Variants in GRID1 observed in about 807,000 individuals in gnomAD.
GRID1 encodes glutamate ionotropic receptor delta type subunit 1.
In GRID1, 28 loss-of-function variants were observed where a neutral mutation model predicts 98.0. The ratio of observed to expected loss-of-function variants is 0.29; its 90% confidence interval spans 0.21 to 0.39. GRID1 has a LOEUF of 0.39. Ranked by LOEUF, GRID1 falls within the 10% of genes least tolerant of loss-of-function variation. The probability of loss-of-function intolerance (pLI) is 1.00; values close to 1 mark genes in which losing one functional copy is unlikely to be tolerated. For missense variants in GRID1, 1,111 were observed against 1,340.5 expected, an observed-to-expected ratio of 0.83 and a Z score of 2.67; for synonymous variants, 553 against 538.5, an observed-to-expected ratio of 1.03 and a Z score of -0.37.
chr10:85,687,295 T>C (rs7081304), intron 12 of GRID1, among the ~76,000 whole-genome samples: 10,270 of 152,240 alleles, frequency 0.067, 452 homozygotes, highest in African/African-American at 0.13. Flanking sequence ...GATGACACTA[T>C]TTTATTCTCT....
intron 2 of GRID1, among the ~76,000 whole-genome samples, chr10:86,327,562 G>A (rs1418290556): frequency 2.0e-5 from 3 of 152,202 alleles, no homozygotes; most frequent in African/African-American, 7.2e-5. Flanking sequence ...TCTTACTGGA[G>A]AAGAATGCCA....
chr10:85,604,245 T>C (rs1842623845), intron 15 of GRID1, among the ~76,000 whole-genome samples: 4 of 152,200 alleles, frequency 2.6e-5, no homozygotes, highest in Non-Finnish European at 2.9e-5. Flanking sequence ...CACACATGGT[T>C]TGGCTTCTGA....
At chr10:86,346,207 G>A (rs113425802) in intron 2 of GRID1, among the ~76,000 whole-genome samples, 218 of 152,366 alleles carry the variant, frequency 1.4e-3, no homozygotes, top group African/African-American at 4.9e-3. Flanking sequence ...CATGGGTTCT[G>A]CCAGCTGGAA....
chr10:85,659,022 T>A (rs73326634), intron 12 of GRID1, among the ~76,000 whole-genome samples: 3,362 of 152,308 alleles, frequency 0.022, 112 homozygotes, highest in African/African-American at 0.076. Context: ...AAGCTATCGA[T>A]GTTCCCTAGA....
At chr10:85,978,287 TA>T (rs1369721470) in intron 4 of GRID1, among the ~76,000 whole-genome samples, 2 of 152,168 alleles carry the variant, frequency 1.3e-5, no homozygotes, top group Admixed American at 1.3e-4. Flanking sequence ...CCAAAGGACC[TA>T]AAGCAGCCAG....
intron 2 of GRID1, among the ~76,000 whole-genome samples, chr10:86,257,806 A>G (rs1846947934): frequency 6.6e-6 from 1 of 152,218 alleles, no homozygotes. Flanking sequence ...TGAAGATGAC[A>G]TGAGCGCCAA....
intron 2 of GRID1, among the ~76,000 whole-genome samples, chr10:86,213,668 A>G (rs1273186723): frequency 2.0e-5 from 3 of 151,886 alleles, no homozygotes; most frequent in Non-Finnish European, 4.4e-5. Flanking sequence ...ACCCCACTGA[A>G]CACTAAGCCC....
chr10:85,727,886 C>A lies in GRID1; in HGVS notation c.1502G>T (p.Trp501Leu). 1 of 1,613,842 alleles carries A rather than the reference C, an allele frequency of 6.2e-7. No individual in the cohort carries two copies. The highest frequency in any genetic ancestry group is 1.1e-5 in the South Asian group (1 of 91,066). The change falls in exon 10 of 16, where the codon TGG becomes TTG. Residue 501 changes from tryptophan (W) to leucine (L), a missense_variant. Physicochemically the swap from Trp to Leu is moderately conservative, Grantham distance 61. This residue lies in a region of GRID1 where 762 missense variants were observed against 869.1 expected (regional missense o/e 0.88). Transcript: ENST00000327946. ...RYGHQLHNTS[W>L]NGMIGELISK... ...GATGAGCTCCCCGATCATCCCGTTC[C>A]AGGAGGTGTTATGGAGCTGGTGACC...
At chr10:85,865,971 A>ATATACATATATATG (rs1564613351) in intron 6 of GRID1, among the ~76,000 whole-genome samples, 18 of 107,690 alleles carry the variant, frequency 1.7e-4, no homozygotes, top group South Asian at 5.5e-4. Context: ...AGAGAGAGAG[A>ATATACATATATATG]GAGAGAGAGA....
intron 13 of GRID1, chr10:85,644,015 T>C (rs1411864742): frequency 6.6e-6 from 1 of 152,178 alleles, no homozygotes; most frequent in Non-Finnish European, 1.5e-5. Context: ...GAGGTGTTTC[T>C]CTAATGACTC....
At chr10:85,919,697 G>A (rs996416734) in intron 4 of GRID1, among the ~76,000 whole-genome samples, 3 of 152,114 alleles carry the variant, frequency 2.0e-5, no homozygotes, top group South Asian at 2.1e-4. Flanking sequence ...CCTCCCTTTC[G>A]TCTGCAGAGT....
intron 2 of GRID1, among the ~76,000 whole-genome samples, chr10:86,258,318 T>A (rs1474575338): frequency 5.9e-5 from 9 of 152,144 alleles, no homozygotes; most frequent in Admixed American, 4.6e-4. Flanking sequence ...AGAATCACTG[T>A]TGGAAGCTGT....
At chr10:85,875,954 C>T (rs1422445288) in intron 5 of GRID1, among the ~76,000 whole-genome samples, 3 of 152,140 alleles carry the variant, frequency 2.0e-5, no homozygotes, top group Non-Finnish European at 2.9e-5. Flanking sequence ...TGAGAATTTC[C>T]TTTAATTTGG....
chr10:85,599,802 A>AAAAAAATATATATATAT lies in GRID1; in HGVS notation c.*2470_*2471insATATATATATATTTTTT. ...GTAGAAAATTCTAAAAAAAAAAAAA[A>AAAAAAATATATATATAT]ATATATATATATATATATAAACATG... On this transcript the variant is annotated 3_prime_UTR_variant, in exon 16 of 16. Coordinates refer to ENST00000327946, the MANE Select transcript of GRID1 (RefSeq NM_017551.3). 4 of 64,980 alleles carry AAAAAAATATATATATAT rather than the reference A, an allele frequency of 6.2e-5. No homozygotes were observed. Among genetic ancestry groups the AAAAAAATATATATATAT allele is most frequent in the African/African-American group, 9.3e-5 (1 of 10,732 alleles). 4.0% of individuals were successfully genotyped at this position (64,980 alleles called of 1,614,324 possible). A position where few individuals can be genotyped will look rare whatever the true frequency, so the allele number is the denominator to read the frequency against.
At chr10:85,707,759 T>C (rs1025165866) in intron 12 of GRID1, among the ~76,000 whole-genome samples, 1 of 152,164 alleles carries the variant, frequency 6.6e-6, no homozygotes, top group Middle Eastern at 3.2e-3. Context: ...GTGGCACATA[T>C]ACACCATGGA....
intron 4 of GRID1, among the ~76,000 whole-genome samples, chr10:86,014,857 A>C (rs1005372227): frequency 2.6e-5 from 4 of 152,150 alleles, no homozygotes; most frequent in African/African-American, 9.7e-5. Flanking sequence ...ATTCTATTCG[A>C]GCCCCATTTC....
intron 8 of GRID1, among the ~76,000 whole-genome samples, chr10:85,827,542 G>T (rs1175720606): frequency 6.6e-6 from 1 of 152,180 alleles, no homozygotes; most frequent in East Asian, 1.9e-4. Context: ...TGGAGTCACT[G>T]AAAGAGAGGA....
chr10:86,081,066 G>A (rs935436812), intron 4 of GRID1, among the ~76,000 whole-genome samples: 3 of 152,206 alleles, frequency 2.0e-5, no homozygotes, highest in African/African-American at 7.2e-5. Context: ...AGCATCTGCT[G>A]CAGAGGGGTT....
chr10:86,008,162 G>T (rs549754216), intron 4 of GRID1, among the ~76,000 whole-genome samples: 1 of 152,292 alleles, frequency 6.6e-6, no homozygotes, highest in East Asian at 1.9e-4. Context: ...CTCCCCTGGA[G>T]ACCAGAGGGG....
Sources: gnomAD v4.1 joint callset for allele counts (sites outside exome capture counted in the v4.1 genomes callset) on GRCh38, gnomAD v4.1.1 for gene constraint, gnomAD v4.1.1 regional missense constraint, MANE v1.5 for transcripts, NCBI Gene and HGNC (gene_info 2026-07-23, HGNC 2026-07-21) for gene names.